The following NUTM1 variants were observed in gnomAD, a reference collection of about 807,000 sequenced individuals.
NUTM1 encodes the protein NUT family member 1.
Under a neutral mutation model 88.7 loss-of-function variants are expected in NUTM1, and 39 were observed. The ratio of observed to expected loss-of-function variants is 0.44; its 90% CI spans 0.34 to 0.57. The LOEUF (loss-of-function observed/expected upper bound fraction) is 0.57, where lower values mean the gene tolerates loss of function less well. Ranked by LOEUF, NUTM1 falls within the 20% of genes least tolerant of loss-of-function variation. The pLI, the probability that NUTM1 is intolerant of heterozygous loss-of-function variation, is 0.01. For synonymous variants in NUTM1, 494 were observed against 538.0 expected (o/e 0.92, Z 1.13); for missense variants, 1,350 against 1,414.5 (o/e 0.95, Z 0.73).
intron 2 of NUTM1, 47 bp downstream of exon 2, chr15:34,346,082 C>T (rs1211308793): frequency 6.3e-7 from 1 of 1,584,382 alleles, no homozygotes; most frequent in Admixed American, 1.7e-5. Flanking sequence ...TGCTCATATC[C>T]TTTGAGACAA....
At chr15:34,344,599 T>A (rs956071091) in intron 1 of NUTM1, among the ~76,000 whole-genome samples, 15 of 152,158 alleles carry the variant, frequency 9.9e-5, no homozygotes, top group African/African-American at 2.9e-4. Flanking sequence ...TGATACTGGT[T>A]TCCTCTGGGA....
Position 34,354,500 on chromosome 15 carries a change from G to T in NUTM1, c.1130G>T (p.Arg377Leu), listed in dbSNP as rs367935803. 1.2e-6 allele frequency: 2 copies of T among 1,614,188 alleles called. No homozygotes were observed. The highest frequency in any genetic ancestry group is 1.1e-5 in the South Asian group (1 of 91,070). Reference sequence around the variant, plus strand: ...ACACGGGCCCCCCGCCGGCGTCAGCGTAAAGCCCAGAGACCTCCTGCTCCT... The same window carrying T: ...ACACGGGCCCCCCGCCGGCGTCAGCTTAAAGCCCAGAGACCTCCTGCTCCT... ...SKTRAPRRRQ[R>L]KAQRPPAPEA... is the part of the protein sequence containing the mutation. The change falls in exon 6 of 8, where the codon CGT becomes CTT. Residue 377 changes from arginine (R) to leucine (L), a missense_variant. By Grantham distance (102) the Arg-to-Leu change is moderately radical. Transcript: ENST00000537011.
chr15:34,349,941 C>T (rs897525579), intron 3 of NUTM1, among the ~76,000 whole-genome samples: 1 of 152,176 alleles, frequency 6.6e-6, no homozygotes, highest in African/African-American at 2.4e-5. Flanking sequence ...CACTCAGGGG[C>T]TCTGGGCAGG....
intron 6 of NUTM1, 73 bp downstream of exon 6, chr15:34,354,805 G>A: frequency 6.8e-7 from 1 of 1,478,522 alleles, no homozygotes; most frequent in African/African-American, 1.4e-5. Flanking sequence ...ATGATCTGGG[G>A]TTTGTCCAAT....
intron 3 of NUTM1, 78 bp downstream of exon 3, chr15:34,348,755 G>A (rs1285835504): frequency 2.0e-6 from 2 of 996,108 alleles, no homozygotes; most frequent in Non-Finnish European, 3.0e-6. Flanking sequence ...AGTAGTTTAG[G>A]CTGTTTAGGA....
At chr15:34,346,846 G>A (rs1348872504) in intron 2 of NUTM1, among the ~76,000 whole-genome samples, 1 of 108,220 alleles carries the variant, frequency 9.2e-6, no homozygotes, top group Non-Finnish European at 1.7e-5. Context: ...TCGTGCTGCT[G>A]CACTCCAGAA....
At position 34,356,585 on chromosome 15, in the gene NUTM1, T is replaced by C; in HGVS notation, c.2577T>C (p.His859=). The change falls in exon 8 of 8, where the codon CAT becomes CAC. Residue 859 remains histidine, a synonymous_variant. Transcript: ENST00000537011. ...AACAGAGCTGTGAAACCGTAGGGCA[T>C]CCCAGTGATCTGTGGGCAGAAGGTT... ...NQEQSCETVG[H]PSDLWAEGCF... The C allele has an allele frequency of 6.2e-7, 1 of 1,614,000 alleles. No homozygotes were observed. The highest frequency in any genetic ancestry group is 8.5e-7 in the Non-Finnish European group (1 of 1,179,990).
rs767031674 is a variant in NUTM1 at position 34,354,540 on chromosome 15, G to C, written c.1170G>C (p.Glu390Asp). 6.2e-7 allele frequency: 1 copy of C among 1,614,188 alleles called. No individual in the cohort carries two copies. Among genetic ancestry groups the C allele is most frequent in the Non-Finnish European group, 8.5e-7 (1 of 1,180,036 alleles). The part of the protein sequence containing the change: ...QRPPAPEAPK[E>D]IPPEAVKEYV... ...CTCCTGCTCCTGAGGCACCCAAGGA[G>C]ATCCCACCAGAAGCTGTGAAGGAGT... The change falls in exon 6 of 8, where the codon GAG (glutamate) becomes GAC (aspartate). Residue 390 changes from glutamate (E) to aspartate (D), a missense_variant. Coordinates refer to ENST00000537011, the MANE Select transcript of NUTM1 (RefSeq NM_001284292.2).
Position 34,353,716 on chromosome 15 carries a change from G to C in NUTM1, c.939-20G>C. On this transcript the variant is annotated intron_variant, in intron 4 of 7. Coordinates refer to ENST00000537011, the MANE Select transcript of NUTM1 (RefSeq NM_001284292.2). ...TGGTCTCCTTCTCAGCATTGCCTAT[G>C]CCTTTCTCACCCTCTGCAGGTTCAT... 6.2e-7 allele frequency: 1 copy of C among 1,613,962 alleles called. No individual in the cohort carries two copies. The highest frequency in any genetic ancestry group is 8.5e-7 in the Non-Finnish European group (1 of 1,179,958).
chr15:34,344,002 C>G (rs1890534836), intron 1 of NUTM1, among the ~76,000 whole-genome samples: 1 of 148,584 alleles, frequency 6.7e-6, no homozygotes, highest in Admixed American at 6.8e-5. Flanking sequence ...GCAGGCAGAT[C>G]ACAGGTCAAG....
In NUTM1 at chr15:34,357,062, T is replaced by C; in HGVS notation, c.3054T>C (p.Val1018=). Residue 1018 remains valine, a synonymous_variant, in exon 8 of 8, where the codon GTT becomes GTC. Coordinates refer to ENST00000537011, the MANE Select transcript of NUTM1 (RefSeq NM_001284292.2). Reference sequence around the variant, plus strand: ...CCATAGTTCCGAGAGAAACTTCTGTTAGTAAAACACACAGGTCAGCAGACA... The same window carrying C: ...CCATAGTTCCGAGAGAAACTTCTGTCAGTAAAACACACAGGTCAGCAGACA... ...RNAIVPRETS[V]SKTHRSADRA... 6.2e-7 allele frequency: 1 copy of C among 1,614,032 alleles called. No homozygotes were observed. The highest frequency in any genetic ancestry group is 8.5e-7 in the Non-Finnish European group (1 of 1,180,000).
intron 1 of NUTM1, 97 bp downstream of exon 1, chr15:34,343,799 A>C: frequency 9.1e-7 from 1 of 1,096,562 alleles, no homozygotes; most frequent in South Asian, 1.5e-5. Context: ...CTCTCGTTTA[A>C]AGAAATGAAA....
intron 3 of NUTM1, among the ~76,000 whole-genome samples, chr15:34,349,969 G>A (rs1007412884): frequency 6.6e-6 from 1 of 152,208 alleles, no homozygotes; most frequent in African/African-American, 2.4e-5. Flanking sequence ...ACAAGAGGCA[G>A]TCCAGACCAC....
chr15:34,346,907 A>AAAAAAAAAG (rs1328410929), intron 2 of NUTM1, among the ~76,000 whole-genome samples: 1 of 149,244 alleles, frequency 6.7e-6, no homozygotes, highest in African/African-American at 2.5e-5. Flanking sequence ...AAAAAAAAAA[A>AAAAAAAAAG]GCAGCACTTA....
chr15:34,349,616 C>G (rs1464687748), intron 3 of NUTM1, among the ~76,000 whole-genome samples: 1 of 152,172 alleles, frequency 6.6e-6, no homozygotes, highest in Non-Finnish European at 1.5e-5. Flanking sequence ...CTCAACTGCC[C>G]TGTGCCCTCA....
In NUTM1 at chr15:34,343,349, G is replaced by C. The variant is rs911775489; in HGVS notation, c.-348G>C. 1.6e-6 allele frequency: 1 copy of C among 612,926 alleles called. No individual in the cohort carries two copies. Among genetic ancestry groups the C allele is most frequent in the African/African-American group, 1.8e-5 (1 of 54,346 alleles). The allele number at this position is 612,926 out of a possible 1,614,324, so 38.0% of individuals were successfully genotyped here. A position where few individuals can be genotyped will look rare whatever the true frequency, so the allele number is the denominator to read the frequency against. ...GCTAGGTACACGGCGTTAGAGGGGG[G>C]TAGGGATGGATGTGGATAGAATATT... On this transcript the variant is annotated 5_prime_UTR_variant, in exon 1 of 8. Transcript: ENST00000537011.
intron 2 of NUTM1, among the ~76,000 whole-genome samples, chr15:34,347,369 C>G (rs759594546): frequency 7.2e-5 from 11 of 152,002 alleles, no homozygotes; most frequent in Non-Finnish European, 1.0e-4. Flanking sequence ...GCGATCCTCC[C>G]ACCCCAGCCC....
chr15:34,354,378 A>G, intron 5 of NUTM1, 68 bp from the exon 6 acceptor site: 1 of 1,510,198 alleles, frequency 6.6e-7, no homozygotes, highest in Non-Finnish European at 9.2e-7. Context: ...CTTAGTGTAC[A>G]TTCCGAAGGA....
rs745501360 is a variant in NUTM1, at chr15:34,355,698, G to A, written c.1690G>A (p.Val564Met). Residue 564 changes from valine to methionine, a missense_variant, in exon 8 of 8, where the codon GTG (valine) becomes ATG (methionine). Val to Met is a conservative substitution (Grantham distance 21). Around this residue, in one of 5 missense-constraint regions of NUTM1, gnomAD observed 730 missense variants for 728.8 expected, o/e 1.00. Transcript: ENST00000537011. The surrounding 1 kb of genome is among the most constrained non-coding windows in gnomAD (Gnocchi z 4.3). ...TTCTTCAGGAAAACGGGCAAGAGAA[G>A]TGCATGGTGGGCAGGAGCAAGCCCT... ...VSSSGKRARE[V>M]HGGQEQALDS... 6.2e-7 allele frequency: 1 copy of A among 1,610,342 alleles called. No homozygotes were observed. Among genetic ancestry groups the A allele is most frequent in the South Asian group, 1.1e-5 (1 of 90,762 alleles).
Sources: gnomAD v4.1 joint callset for allele counts (sites outside exome capture counted in the v4.1 genomes callset) on GRCh38, gnomAD v4.1.1 for gene constraint, gnomAD v4.1.1 regional missense constraint, Gnocchi (gnomAD v3.1) non-coding constraint, MANE v1.5 for transcripts, NCBI Gene and HGNC (gene_info 2026-07-23, HGNC 2026-07-21) for gene names.